The following KIF3A variants were observed in gnomAD, a reference collection of about 807,000 sequenced individuals.
The protein encoded by KIF3A is kinesin-like protein KIF3A.
In KIF3A, 27 loss-of-function variants were observed where a neutral mutation model predicts 92.6. The ratio of observed to expected loss-of-function variants is 0.29; its 90% CI spans 0.21 to 0.40. The LOEUF is 0.40. KIF3A is among the 10% of genes least tolerant of loss of function. KIF3A has a pLI of 1.00. For synonymous variants in KIF3A, 250 were observed against 275.4 expected (o/e 0.91, Z 0.92); for missense variants, 581 against 872.6 (o/e 0.67, Z 4.21).
intron 4 of KIF3A, among the ~76,000 whole-genome samples, chr5:132,720,943 A>G (rs1286837202): frequency 6.6e-6 from 1 of 152,236 alleles, no homozygotes; most frequent in Non-Finnish European, 1.5e-5. Context: ...CAGAAAAAGT[A>G]CAGAACACTA....
rs746645984 is a variant in KIF3A, at chr5:132,700,635, G to A, written c.1938+12C>T. On this transcript the variant is annotated intron_variant, in intron 16 of 18. Transcript: ENST00000403231. ...TTTAATTATTACGTGAAAGAATGAA[G>A]GTAATACTCACTAGCTGCCATTCTC... The A allele has an allele frequency of 1.3e-6, 2 of 1,532,748 alleles. No individual in the cohort carries two copies. The highest frequency in any genetic ancestry group is 2.2e-5 in the East Asian group (1 of 44,492). 94.9% of individuals were successfully genotyped at this position (1,532,748 alleles called of 1,614,324 possible). A position where few individuals can be genotyped will look rare whatever the true frequency, so the allele number is the denominator to read the frequency against.
chr5:132,737,341 T>C (rs1754434688), intron 1 of KIF3A, 73 bp downstream of exon 1: 2 of 1,527,688 alleles, frequency 1.3e-6, no homozygotes, highest in African/African-American at 1.4e-5. Flanking sequence ...CGCGCCTCCA[T>C]GGCAACGGCC....
chr5:132,717,085 C>T (rs1249958024), intron 5 of KIF3A, 101 bp from the exon 6 acceptor site: 2 of 1,169,808 alleles, frequency 1.7e-6, no homozygotes, highest in Admixed American at 4.5e-5. Flanking sequence ...TTATCACAAT[C>T]AAAAGCCAGA....
intron 6 of KIF3A, 45 bp downstream of exon 6, chr5:132,716,800 G>T: frequency 6.3e-7 from 1 of 1,575,488 alleles, no homozygotes; most frequent in Non-Finnish European, 8.6e-7. Context: ...AAAATAAATG[G>T]ATCACAAGAA....
intron 18 of KIF3A, chr5:132,697,464 A>T (rs1031263597): frequency 5.3e-5 from 8 of 152,098 alleles, no homozygotes; most frequent in Non-Finnish European, 8.8e-5. Flanking sequence ...AAAAAAAAAA[A>T]AAGTAAAATT....
intron 9 of KIF3A, 38 bp from the exon 10 acceptor site, chr5:132,709,016 A>G: frequency 6.9e-7 from 1 of 1,459,326 alleles, no homozygotes; most frequent in Non-Finnish European, 9.4e-7. Context: ...GGAACCAAAG[A>G]AAGAGGAAAC....
At chr5:132,718,605 C>A (rs1335736451) in intron 5 of KIF3A, among the ~76,000 whole-genome samples, 1 of 151,798 alleles carries the variant, frequency 6.6e-6, no homozygotes, top group African/African-American at 2.4e-5. Flanking sequence ...CCACCACACT[C>A]AGCTTGTTGT....
rs1367248247 is a variant in KIF3A, at chr5:132,724,804, AAAATATATATATATATATATAT to A, written c.510+1302_510+1323del. Among the ~76,000 whole-genome samples, 22 of 20,524 alleles carry A rather than the reference AAAATATATATATATATATATAT, an allele frequency of 1.1e-3. 1 individual carries two copies. The highest frequency in any genetic ancestry group is 6.4e-3 in the South Asian group (3 of 468). 13.5% of individuals were successfully genotyped at this position (20,524 alleles called of 152,430 possible). ...ACTTAAAGTATAATAAAAAAAAAAA[AAAATATATATATATATATATAT>A]ATATATATATATATATATATATATA... is the stretch of plus-strand genomic sequence containing the variant. On this transcript the variant is annotated intron_variant, in intron 4 of 18. Transcript: ENST00000403231.
chr5:132,736,674 T>C (rs1202539413), intron 1 of KIF3A: 1 of 394,534 alleles, frequency 2.5e-6, no homozygotes, highest in Non-Finnish European at 5.2e-6. Flanking sequence ...GTGTATTATT[T>C]CACGCGGATA....
intron 1 of KIF3A, chr5:132,736,837 C>A: frequency 4.7e-6 from 2 of 428,362 alleles, no homozygotes; most frequent in Non-Finnish European, 4.7e-6. Context: ...TTATTAAGTT[C>A]ACGATAACAA....
Position 132,734,230 on chromosome 5 carries a change from A to G in KIF3A, c.255T>C (p.Ile85=). The G allele has an allele frequency of 6.2e-7, 1 of 1,613,564 alleles. No individual in the cohort carries two copies. The highest frequency in any genetic ancestry group is 8.5e-7 in the Non-Finnish European group (1 of 1,179,712). ...CATTGTAGCCTTCAAGTACAGAATC[A>G]ATAATAGGTCTTGCAGTTAAGTTAT... The part of the protein sequence containing the change: ...DVYNLTARPI[I]DSVLEGYNGT... Residue 85 remains isoleucine (I), a synonymous_variant, in exon 2 of 19, where the codon ATT becomes ATC. Transcript: ENST00000403231.
At chr5:132,736,919 C>A in intron 1 of KIF3A, 1 of 335,328 alleles carries the variant, frequency 3.0e-6, no homozygotes, top group Non-Finnish European at 6.0e-6. Context: ...CATTCTGCAT[C>A]ATAAGCTAAA....
downstream of KIF3A, among the ~76,000 whole-genome samples, chr5:132,692,107 T>A (rs1581053086): frequency 6.6e-6 from 1 of 152,182 alleles, no homozygotes; most frequent in Admixed American, 6.5e-5. Flanking sequence ...AATGAGATCA[T>A]GTCTTTTGTG....
intron 1 of KIF3A, among the ~76,000 whole-genome samples, chr5:132,735,247 G>T (rs572766440): frequency 1.3e-5 from 2 of 152,036 alleles, no homozygotes; most frequent in African/African-American, 2.4e-5. Flanking sequence ...GCTAATTTTT[G>T]TATTTTTAGT....
intron 9 of KIF3A, 101 bp from the exon 10 acceptor site, chr5:132,709,079 T>G: frequency 2.2e-6 from 2 of 916,736 alleles, no homozygotes; most frequent in Non-Finnish European, 3.4e-6. Flanking sequence ...GAAAAAAATT[T>G]TAAAGGACAA....
downstream of KIF3A, among the ~76,000 whole-genome samples, chr5:132,691,934 ATAAAATAAAATAAAATAAAATAAAATT>A (rs1752675915): frequency 2.0e-5 from 3 of 148,140 alleles, no homozygotes; most frequent in Non-Finnish European, 3.0e-5. Flanking sequence ...AAAATAATAA[ATAAAATAAAATAAAATAAAATAAAATT>A]TAAAATAAAA....
chr5:132,692,645 T>C lies in KIF3A; in HGVS notation c.*3989A>G, dbSNP rs1484638842. On this transcript the variant is annotated 3_prime_UTR_variant, in exon 19 of 19. Transcript: ENST00000403231. ...TACTACAGGCATTAGGTAAAAGATT[T>C]TTATTCTTATTTAACCATGCTGCAT... is the stretch of plus-strand genomic sequence containing the variant. The C allele has an allele frequency of 1.3e-5, 2 of 152,564 alleles. No individual in the cohort carries two copies. The highest frequency in any genetic ancestry group is 4.8e-5 in the African/African-American group (2 of 41,456). 9.5% of individuals were successfully genotyped at this position (152,564 alleles called of 1,614,324 possible). A position where few individuals can be genotyped will look rare whatever the true frequency, so the allele number is the denominator to read the frequency against.
chr5:132,718,458 C>T (rs1465547115), intron 5 of KIF3A, among the ~76,000 whole-genome samples: 2 of 151,994 alleles, frequency 1.3e-5, no homozygotes, highest in Non-Finnish European at 2.9e-5. Flanking sequence ...CACAGGTGCG[C>T]ACCACCACGC....
At chr5:132,710,549 G>C (rs1256073664) in intron 9 of KIF3A, among the ~76,000 whole-genome samples, 1 of 152,200 alleles carries the variant, frequency 6.6e-6, no homozygotes, top group Non-Finnish European at 1.5e-5. Context: ...CTGGGAGGTG[G>C]AGGTTGCAGT....
Sources: gnomAD v4.1 joint callset for allele counts (sites outside exome capture counted in the v4.1 genomes callset) on GRCh38, gnomAD v4.1.1 for gene constraint, MANE v1.5 for transcripts, NCBI Gene and HGNC (gene_info 2026-07-23, HGNC 2026-07-21) for gene names.